The following PTPRT variants were observed in gnomAD, a reference collection of about 807,000 sequenced individuals.
PTPRT encodes protein tyrosine phosphatase receptor type T.
A neutral mutation model predicts 176.8 loss-of-function variants in PTPRT; 56 were observed. That is an observed-to-expected ratio of 0.32 (90% CI 0.26 to 0.40). The LOEUF (loss-of-function observed/expected upper bound fraction) is 0.40. Among genes scored for constraint, PTPRT ranks in the 10% least tolerant of loss-of-function variants. The probability of loss-of-function intolerance (pLI) is 1.00; values close to 1 mark genes in which losing one functional copy is unlikely to be tolerated. For synonymous variants in PTPRT, 783 were observed against 739.0 expected (o/e 1.06, Z -0.96); for missense variants, 1,540 against 1,908.2 (o/e 0.81, Z 3.60).
chr20:42,768,058 TA>T (rs1268605421), intron 5 of PTPRT, among the ~76,000 whole-genome samples: 9 of 145,540 alleles, frequency 6.2e-5, no homozygotes, highest in African/African-American at 2.3e-4. Flanking sequence ...TAATACAGCC[TA>T]CTTCCAATTA....
chr20:42,499,719 CGTCTGCAA>C (rs2071719937), intron 7 of PTPRT, among the ~76,000 whole-genome samples: 1 of 152,104 alleles, frequency 6.6e-6, no homozygotes, highest in African/African-American at 2.4e-5. Flanking sequence ...CTGCATGATG[CGTCTGCAA>C]GTTTTTCAAA....
At chr20:42,687,756 A>C (rs1057372125) in intron 6 of PTPRT, 5 of 152,226 alleles carry the variant, frequency 3.3e-5, no homozygotes, top group African/African-American at 9.6e-5. Context: ...GGGTGAAAGA[A>C]ACTCTTGCCT....
chr20:42,567,450 A>C (rs927843555), intron 7 of PTPRT, among the ~76,000 whole-genome samples: 1 of 152,194 alleles, frequency 6.6e-6, no homozygotes, highest in Non-Finnish European at 1.5e-5. Context: ...TGGCTTTGAC[A>C]TTATCTCCAT....
At chr20:42,419,789 T>C (rs538707296) in intron 9 of PTPRT, among the ~76,000 whole-genome samples, 6 of 152,154 alleles carry the variant, frequency 3.9e-5, no homozygotes, top group African/African-American at 1.4e-4. Context: ...TTTGCATCTA[T>C]AATCAAGTTA....
chr20:42,518,842 A>T (rs2072117390), intron 7 of PTPRT, among the ~76,000 whole-genome samples: 1 of 152,174 alleles, frequency 6.6e-6, no homozygotes, highest in Non-Finnish European at 1.5e-5. Flanking sequence ...ATAAGGATTA[A>T]AGAAAATAAA....
chr20:43,020,380 G>A (rs1006970413), intron 1 of PTPRT, among the ~76,000 whole-genome samples: 5 of 151,866 alleles, frequency 3.3e-5, no homozygotes, highest in South Asian at 2.1e-4. Context: ...GTATTTATAC[G>A]TAGGGAAACA....
intron 19 of PTPRT, among the ~76,000 whole-genome samples, chr20:42,124,735 A>G (rs1987769872): frequency 6.6e-6 from 1 of 152,110 alleles, no homozygotes; most frequent in Admixed American, 6.5e-5. Flanking sequence ...AGACCCCAGG[A>G]ATTTTATCTT....
In PTPRT at chr20:42,446,617, T is replaced by TGAGA. The variant is rs1204184063; in HGVS notation, c.1560+1602_1560+1603insTCTC. On this transcript the variant is annotated intron_variant, in intron 9 of 30. Coordinates refer to ENST00000373187, the MANE Select transcript of PTPRT (RefSeq NM_007050.6). ...GTGTGTGTGTGTGTGTGTGTGTGTG[T>TGAGA]GTGTGAGAGAGAGAGAGAGATTGTG... is the stretch of plus-strand genomic sequence containing the variant. Among the ~76,000 whole-genome samples, 25 of 147,114 alleles carry TGAGA rather than the reference T, an allele frequency of 1.7e-4. 1 individual carries two copies. In the South Asian group the frequency reaches 2.2e-3, roughly 13 times the overall value.
chr20:42,487,460 G>A (rs1394550820), intron 7 of PTPRT, among the ~76,000 whole-genome samples: 1 of 152,126 alleles, frequency 6.6e-6, no homozygotes, highest in African/African-American at 2.4e-5. Flanking sequence ...CAGAACCTGG[G>A]AATCTGTTAT....
chr20:42,689,773 C>A (rs958634005), intron 6 of PTPRT, among the ~76,000 whole-genome samples: 1 of 152,018 alleles, frequency 6.6e-6, no homozygotes, highest in Admixed American at 6.6e-5. Flanking sequence ...TATGTTCTGG[C>A]TGTGAGGGTG....
chr20:42,281,140 T>C (rs1042866816), intron 13 of PTPRT, among the ~76,000 whole-genome samples: 5 of 152,198 alleles, frequency 3.3e-5, no homozygotes, highest in Admixed American at 6.5e-5. Flanking sequence ...TGCTACCCAA[T>C]TGATGGTGTT....
chr20:42,080,709 A>T lies in PTPRT; in HGVS notation c.*170T>A, dbSNP rs1983236691. The T allele has an allele frequency of 3.7e-6, 2 of 535,966 alleles. No individual in the cohort carries two copies. The highest frequency in any genetic ancestry group is 1.9e-5 in the African/African-American group (1 of 51,934). The allele number at this position is 535,966 out of a possible 1,614,324, so 33.2% of individuals were successfully genotyped here. On this transcript the variant is annotated 3_prime_UTR_variant, in exon 31 of 31. Transcript: ENST00000373187. ...GCAGCATCTCCCACGGCAACAGGAG[A>T]CCCCTCAGAAGGTGCAGAGCCCCCC...
chr20:42,441,076 G>A (rs1041046823), intron 9 of PTPRT, among the ~76,000 whole-genome samples: 7 of 152,164 alleles, frequency 4.6e-5, no homozygotes, highest in Non-Finnish European at 7.3e-5. Flanking sequence ...CTGTCAAACC[G>A]TGGTCCAGCC....
chr20:42,488,115 T>G (rs1601115096), intron 7 of PTPRT, among the ~76,000 whole-genome samples: 1 of 152,228 alleles, frequency 6.6e-6, no homozygotes, highest in East Asian at 1.9e-4. Flanking sequence ...GGTTCTGGGG[T>G]GTGTTCTCTC....
chr20:42,218,180 TA>T, intron 15 of PTPRT, among the ~76,000 whole-genome samples: 1 of 152,242 alleles, frequency 6.6e-6, no homozygotes, highest in Non-Finnish European at 1.5e-5. Flanking sequence ...ATGCAGCCAT[TA>T]AAATGATGGA....
At chr20:42,974,680 C>T (rs1384575624) in intron 1 of PTPRT, among the ~76,000 whole-genome samples, 2 of 152,210 alleles carry the variant, frequency 1.3e-5, no homozygotes, top group East Asian at 1.9e-4. Flanking sequence ...ACAAGTTCCA[C>T]TACGGCTAGA....
intron 6 of PTPRT, among the ~76,000 whole-genome samples, chr20:42,705,715 G>T (rs1041470919): frequency 6.6e-6 from 1 of 152,074 alleles, no homozygotes; most frequent in African/African-American, 2.4e-5. Context: ...CTCATTTAAT[G>T]CAGTCCTCAT....
intron 7 of PTPRT, among the ~76,000 whole-genome samples, chr20:42,527,668 C>T (rs568167792): frequency 6.6e-6 from 1 of 152,178 alleles, no homozygotes; most frequent in African/African-American, 2.4e-5. Flanking sequence ...TTCTTAACAA[C>T]CTTTGATATG....
intron 27 of PTPRT, among the ~76,000 whole-genome samples, chr20:42,089,397 GAC>G (rs1984371900): frequency 6.6e-6 from 1 of 152,110 alleles, no homozygotes; most frequent in African/African-American, 2.4e-5. Context: ...CTGTGATCCT[GAC>G]ACAAGGTGCA....
Sources: allele counts gnomAD v4.1 joint callset (sites outside exome capture counted in the v4.1 genomes callset), GRCh38; gene constraint gnomAD v4.1.1; transcripts MANE v1.5; gene names NCBI Gene and HGNC (gene_info 2026-07-23, HGNC 2026-07-21).